The following SNX29 variants were observed in gnomAD, a reference collection of about 807,000 sequenced individuals.
The protein encoded by SNX29 is sorting nexin-29.
A neutral mutation model predicts 102.1 loss-of-function variants in SNX29; 78 were observed. The ratio of observed to expected loss-of-function variants is 0.76; its 90% CI spans 0.64 to 0.92. The LOEUF is 0.92. Ranked by LOEUF, SNX29 falls within the 40% of genes least tolerant of loss-of-function variation. The pLI is 0.00. For missense variants in SNX29, 1,280 were observed against 1,061.7 expected, an observed-to-expected ratio of 1.21 and a Z score of -2.86; for synonymous variants, 580 against 414.5, an observed-to-expected ratio of 1.40 and a Z score of -4.85.
chr16:12,118,313 C>CTTTCTTTTTTTTTTTTTTTTTTTTTTTTT (rs1286174976), intron 11 of SNX29, among the ~76,000 whole-genome samples: 1 of 86,114 alleles, frequency 1.2e-5, no homozygotes. Context: ...TACAGACCAC[C>CTTTCTTTTTTTTTTTTTTTTTTTTTTTTT]TTTTTTTTTT....
chr16:12,221,280 G>A (rs2077470076), intron 14 of SNX29, among the ~76,000 whole-genome samples: 1 of 152,108 alleles, frequency 6.6e-6, no homozygotes, highest in African/African-American at 2.4e-5. Flanking sequence ...CTAGATCACT[G>A]AGCCTGGGAA....
chr16:12,479,586 C>A (rs896095193), intron 19 of SNX29, among the ~76,000 whole-genome samples: 3 of 152,162 alleles, frequency 2.0e-5, no homozygotes, highest in Non-Finnish European at 4.4e-5. Context: ...GACAGAAACT[C>A]TATACTTGTT....
chr16:12,027,226 C>T (rs937052656), intron 3 of SNX29, 94 bp from the exon 4 acceptor site: 4 of 1,522,410 alleles, frequency 2.6e-6, no homozygotes, highest in Non-Finnish European at 1.8e-6. Context: ...GAGGTTTACA[C>T]CTGGCGGCTT....
intron 11 of SNX29, among the ~76,000 whole-genome samples, chr16:12,107,043 C>T (rs993214095): frequency 3.9e-5 from 6 of 152,166 alleles, no homozygotes; most frequent in African/African-American, 1.2e-4. Context: ...GTCTTGAACT[C>T]CTGGGCTAAA....
chr16:12,159,060 G>A (rs2055673403), intron 13 of SNX29, among the ~76,000 whole-genome samples: 1 of 152,194 alleles, frequency 6.6e-6, no homozygotes, highest in South Asian at 2.1e-4. Flanking sequence ...TGGGTAGAAA[G>A]CACATCTTGT....
At chr16:12,216,690 C>T (rs1180038661) in intron 14 of SNX29, among the ~76,000 whole-genome samples, 1 of 152,194 alleles carries the variant, frequency 6.6e-6, no homozygotes, top group Non-Finnish European at 1.5e-5. Flanking sequence ...ACCTTGGGCA[C>T]ATTGCCTGCC....
intron 19 of SNX29, among the ~76,000 whole-genome samples, chr16:12,496,585 A>C (rs969554785): frequency 7.0e-6 from 1 of 141,880 alleles, no homozygotes; most frequent in Non-Finnish European, 1.5e-5. Flanking sequence ...ATCTGAGTTC[A>C]CTGCAACCTC....
rs367872644 is a variant in SNX29, at chr16:12,119,176, C to T, written c.1403-7457C>T. ...TCAGGACTGGTGGCAGCCATGTCCC[C>T]GCATAGACAGTGGATTGGAGGCAGG... On this transcript the variant is annotated intron_variant, in intron 11 of 20. Transcript: ENST00000566228. Among the ~76,000 whole-genome samples, 18 of 152,282 alleles carry T rather than the reference C, an allele frequency of 1.2e-4. No individual in the cohort carries two copies. In the South Asian group the frequency reaches 3.3e-3, roughly 28 times the overall value.
At chr16:12,142,934 C>A (rs1285024462) in intron 13 of SNX29, among the ~76,000 whole-genome samples, 1 of 151,974 alleles carries the variant, frequency 6.6e-6, no homozygotes. Context: ...CAGAGAGAAA[C>A]ACAATACAGC....
rs1567568749 is a variant in SNX29 at position 12,052,606 on chromosome 16, C to T, written c.1124+384C>T. 8.7e-5 allele frequency: 20 copies of T among 230,456 alleles called. No individual in the cohort carries two copies. In the East Asian group the frequency reaches 2.0e-3, roughly 24 times the overall value. 14.3% of individuals were successfully genotyped at this position (230,456 alleles called of 1,614,324 possible). On this transcript the variant is annotated intron_variant, in intron 8 of 20. Coordinates refer to ENST00000566228, the MANE Select transcript of SNX29 (RefSeq NM_032167.5). The stretch of plus-strand genomic sequence containing the variant: ...ATAGGTCTGCAAGCTTTATATTTGC[C>T]CAGGGTATCATTCATTCTTCAGGTG...
intron 20 of SNX29, among the ~76,000 whole-genome samples, chr16:12,535,960 C>G (rs543609721): frequency 6.6e-6 from 1 of 152,188 alleles, no homozygotes; most frequent in Admixed American, 6.5e-5. Context: ...CTTCTGAGAG[C>G]TTTGACCCCG....
At chr16:12,302,472 G>T (rs75360668) in intron 15 of SNX29, among the ~76,000 whole-genome samples, 4,075 of 152,304 alleles carry the variant, frequency 0.027, 86 homozygotes, top group Admixed American at 0.06. Flanking sequence ...TGAAGGCCAA[G>T]GTCAAGGCAG....
intron 14 of SNX29, among the ~76,000 whole-genome samples, chr16:12,227,660 C>T (rs1485042159): frequency 4.0e-5 from 6 of 151,890 alleles, no homozygotes; most frequent in East Asian, 1.9e-4. Context: ...AGCACTTTGG[C>T]GGGCTGAGAC....
chr16:11,982,728 C>G (rs941645282), intron 1 of SNX29, among the ~76,000 whole-genome samples: 1 of 151,552 alleles, frequency 6.6e-6, no homozygotes, highest in Non-Finnish European at 1.5e-5. Context: ...CGTGCCCGGT[C>G]TCCATCAGTA....
At chr16:12,132,316 TC>T (rs563940109) in intron 13 of SNX29, among the ~76,000 whole-genome samples, 22 of 152,198 alleles carry the variant, frequency 1.4e-4, no homozygotes, top group Non-Finnish European at 2.9e-4. Flanking sequence ...GCCAGGCTGG[TC>T]TTGAGCTCCT....
intron 18 of SNX29, among the ~76,000 whole-genome samples, chr16:12,456,700 G>T (rs1567582382): frequency 6.6e-6 from 1 of 152,146 alleles, no homozygotes; most frequent in Non-Finnish European, 1.5e-5. Flanking sequence ...GGTAGCATGT[G>T]TATGTATATG....
intron 1 of SNX29, among the ~76,000 whole-genome samples, chr16:11,991,171 A>G (rs2055833925): frequency 1.3e-5 from 2 of 152,260 alleles, no homozygotes; most frequent in African/African-American, 2.4e-5. Flanking sequence ...TGCTGTGTTC[A>G]TTGCAGTTTT....
At chr16:12,292,670 A>C (rs1287992950) in intron 15 of SNX29, among the ~76,000 whole-genome samples, 1 of 152,218 alleles carries the variant, frequency 6.6e-6, no homozygotes, top group African/African-American at 2.4e-5. Flanking sequence ...TCTTGTAAAA[A>C]GCGTTGACTC....
At chr16:12,394,803 T>G (rs2083660921) in intron 16 of SNX29, among the ~76,000 whole-genome samples, 1 of 152,230 alleles carries the variant, frequency 6.6e-6, no homozygotes, top group South Asian at 2.1e-4. Context: ...TTACTTCCTC[T>G]GTGTTTATTC....
Sources: allele counts gnomAD v4.1 joint callset (sites outside exome capture counted in the v4.1 genomes callset), GRCh38; gene constraint gnomAD v4.1.1; transcripts MANE v1.5; gene names NCBI Gene and HGNC (gene_info 2026-07-23, HGNC 2026-07-21).